The following HDAC9 variants were observed in gnomAD, a reference collection of about 807,000 sequenced individuals.
The protein encoded by HDAC9 is histone deacetylase 9.
A neutral mutation model predicts 139.4 loss-of-function variants in HDAC9; 41 were observed. That is an observed-to-expected ratio of 0.29 (90% CI 0.23 to 0.38). The LOEUF (loss-of-function observed/expected upper bound fraction) is 0.38. Among genes scored for constraint, HDAC9 ranks in the 10% least tolerant of loss-of-function variants. The pLI, the probability that HDAC9 is intolerant of heterozygous loss-of-function variation, is 1.00. For missense variants in HDAC9, 1,147 were observed against 1,297.0 expected, an observed-to-expected ratio of 0.88 and a Z score of 1.78; for synonymous variants, 517 against 476.2, an observed-to-expected ratio of 1.09 and a Z score of -1.12.
At chr7:18,833,009 T>G (rs1299042589) in intron 19 of HDAC9, among the ~76,000 whole-genome samples, 1 of 152,150 alleles carries the variant, frequency 6.6e-6, no homozygotes, top group African/African-American at 2.4e-5. Context: ...GTGCTGGGAT[T>G]ACAGGCATGA....
intron 1 of HDAC9, among the ~76,000 whole-genome samples, chr7:18,356,626 T>A (rs1044930382): frequency 2.0e-5 from 3 of 152,138 alleles, no homozygotes; most frequent in African/African-American, 7.2e-5. Flanking sequence ...GTTGAAACTT[T>A]CACAACCTTT....
chr7:18,123,592 A>C (rs1310682472), intron 1 of HDAC9, among the ~76,000 whole-genome samples: 1 of 152,212 alleles, frequency 6.6e-6, no homozygotes, highest in African/African-American at 2.4e-5. Flanking sequence ...TCACTGGAGT[A>C]GAACTGGGCA....
At chr7:18,696,293 C>T (rs145393969) in intron 12 of HDAC9, among the ~76,000 whole-genome samples, 56 of 149,990 alleles carry the variant, frequency 3.7e-4, no homozygotes, top group Middle Eastern at 3.6e-3. Context: ...TGCAAAACTA[C>T]ATTATAGCTG....
chr7:18,706,691 C>T (rs1049865583), intron 12 of HDAC9, among the ~76,000 whole-genome samples: 1 of 152,152 alleles, frequency 6.6e-6, no homozygotes, highest in Non-Finnish European at 1.5e-5. Flanking sequence ...TGGGTTGCTA[C>T]TGGCATCTAG....
chr7:18,732,569 A>ACACACACGTGTATATG (rs1562891490), intron 13 of HDAC9, among the ~76,000 whole-genome samples: 9 of 121,162 alleles, frequency 7.4e-5, no homozygotes, highest in African/African-American at 2.8e-4. Context: ...ACGTGTATAT[A>ACACACACGTGTATATG]TGTGCATGTG....
At chr7:18,583,012 G>A (rs981375003) in intron 2 of HDAC9, among the ~76,000 whole-genome samples, 2 of 152,124 alleles carry the variant, frequency 1.3e-5, no homozygotes, top group Non-Finnish European at 2.9e-5. Context: ...CTTTACTAGT[G>A]AAGGTGATTT....
chr7:18,465,940 A>T (rs1794235114), intron 1 of HDAC9, among the ~76,000 whole-genome samples: 1 of 152,192 alleles, frequency 6.6e-6, no homozygotes, highest in Non-Finnish European at 1.5e-5. Context: ...GGTTAAAACA[A>T]CACAATTTAT....
intron 2 of HDAC9, among the ~76,000 whole-genome samples, chr7:18,536,150 A>G (rs1386698134): frequency 6.6e-6 from 1 of 152,232 alleles, no homozygotes; most frequent in Admixed American, 6.5e-5. Flanking sequence ...GCAATGAATG[A>G]CTGGCAGAAT....
chr7:18,993,020 C>G (rs1434252157), intron 25 of HDAC9, among the ~76,000 whole-genome samples: 1 of 152,102 alleles, frequency 6.6e-6, no homozygotes, highest in African/African-American at 2.4e-5. Flanking sequence ...TGGGAAGCCC[C>G]CAGATTTTCA....
At position 18,174,018 on chromosome 7, in the gene HDAC9, C is replaced by G. The variant is rs533123199; in HGVS notation, c.25+11669C>G. 3.8e-4 allele frequency among the ~76,000 whole-genome samples: 58 copies of G among 152,286 alleles called. 1 individual carries two copies. Among genetic ancestry groups the G allele is most frequent in the African/African-American group, 1.3e-3 (56 of 41,558 alleles). ...TGTCTTGTTAGTTTGGGGAAGTTCTCCTCGATAATATCCTGAAGAGTGTTT... is the reference window on the plus strand; with the variant it reads ...TGTCTTGTTAGTTTGGGGAAGTTCTGCTCGATAATATCCTGAAGAGTGTTT... On this transcript the variant is annotated intron_variant, in intron 2 of 12. Transcript: ENST00000417496.
chr7:18,956,089 A>G (rs1004674878), intron 24 of HDAC9, among the ~76,000 whole-genome samples: 1 of 152,096 alleles, frequency 6.6e-6, no homozygotes, highest in Non-Finnish European at 1.5e-5. Flanking sequence ...TTGACTCTTG[A>G]AAAAGACTCA....
intron 2 of HDAC9, among the ~76,000 whole-genome samples, chr7:18,165,551 C>G (rs1787943927): frequency 6.6e-6 from 1 of 152,006 alleles, no homozygotes; most frequent in South Asian, 2.1e-4. Context: ...GTTTGAGAGG[C>G]CTAGGTGGGA....
At chr7:18,863,259 A>G (rs984333278) in intron 21 of HDAC9, among the ~76,000 whole-genome samples, 5 of 152,170 alleles carry the variant, frequency 3.3e-5, no homozygotes, top group African/African-American at 4.8e-5. Flanking sequence ...CAGAGAGGGC[A>G]TCACTGGGTA....
intron 1 of HDAC9, among the ~76,000 whole-genome samples, chr7:18,307,937 T>C (rs559452988): frequency 6.6e-6 from 1 of 152,308 alleles, no homozygotes; most frequent in East Asian, 1.9e-4. Flanking sequence ...GTGGAATATA[T>C]GCACCAATGG....
chr7:18,770,933 C>G (rs1434937134), intron 16 of HDAC9, among the ~76,000 whole-genome samples: 3 of 152,146 alleles, frequency 2.0e-5, no homozygotes, highest in Admixed American at 6.6e-5. Context: ...GTTTCATGCT[C>G]TGTTCCCTGG....
At chr7:18,354,882 C>T (rs1377508922) in intron 1 of HDAC9, among the ~76,000 whole-genome samples, 1 of 152,116 alleles carries the variant, frequency 6.6e-6, no homozygotes, top group Non-Finnish European at 1.5e-5. Context: ...GACTTGTTAT[C>T]TCTGAGACCA....
intron 1 of HDAC9, among the ~76,000 whole-genome samples, chr7:18,432,046 C>T (rs572623270): frequency 6.6e-6 from 1 of 152,304 alleles, no homozygotes; most frequent in East Asian, 1.9e-4. Flanking sequence ...GTATCCATGC[C>T]TTTGTGCCTT....
intron 17 of HDAC9, among the ~76,000 whole-genome samples, chr7:18,823,314 G>T (rs1229142444): frequency 6.6e-6 from 1 of 152,188 alleles, no homozygotes; most frequent in South Asian, 2.1e-4. Flanking sequence ...CGAAAGGAAG[G>T]TAGAAATGCT....
intron 22 of HDAC9, among the ~76,000 whole-genome samples, chr7:18,900,827 G>T: frequency 6.6e-6 from 1 of 152,026 alleles, no homozygotes; most frequent in South Asian, 2.1e-4. Flanking sequence ...AAAACAACAT[G>T]TGAACAGTCT....
Sources: gnomAD v4.1 joint callset for allele counts (sites outside exome capture counted in the v4.1 genomes callset) on GRCh38, gnomAD v4.1.1 for gene constraint, MANE v1.5 for transcripts, NCBI Gene and HGNC (gene_info 2026-07-23, HGNC 2026-07-21) for gene names.